GRM1: variants seen among roughly 807,000 people sequenced by gnomAD.
GRM1 encodes glutamate metabotropic receptor 1.
In GRM1, 33 loss-of-function variants were observed where a neutral mutation model predicts 90.9. That is an observed-to-expected ratio of 0.36 (90% confidence interval 0.28 to 0.49). The LOEUF is 0.49. GRM1 is among the 20% of genes least tolerant of loss of function. The pLI is 0.99. For missense variants in GRM1, 1,190 were observed against 1,534.3 expected (o/e 0.78, Z 3.75); for synonymous variants, 700 against 613.2 (o/e 1.14, Z -2.09).
intron 1 of GRM1, among the ~76,000 whole-genome samples, chr6:146,081,435 C>T (rs1329717871): frequency 2.0e-5 from 3 of 152,056 alleles, no homozygotes; most frequent in Non-Finnish European, 4.4e-5. Context: ...AGCTAGGGGC[C>T]CACCTCTTCA....
intron 5 of GRM1, 106 bp downstream of exon 5, chr6:146,357,800 G>C (rs1460630202): frequency 1.1e-6 from 1 of 904,766 alleles, no homozygotes; most frequent in African/African-American, 1.7e-5. Context: ...GTCTAGAAAG[G>C]GTGTGCCAGG....
At chr6:146,088,622 G>C (rs1164947927) in intron 1 of GRM1, among the ~76,000 whole-genome samples, 1 of 152,080 alleles carries the variant, frequency 6.6e-6, no homozygotes, top group South Asian at 2.1e-4. Flanking sequence ...GTCTTACCAG[G>C]ATGCCAGTAG....
At chr6:146,272,191 A>G (rs6920678) in intron 2 of GRM1, among the ~76,000 whole-genome samples, 17,517 of 152,230 alleles carry the variant, frequency 0.12, 2,004 homozygotes, top group African/African-American at 0.3. Context: ...CATTTTGCCA[A>G]AAATATATCA....
chr6:146,234,019 T>C (rs549415084), intron 2 of GRM1, among the ~76,000 whole-genome samples: 12 of 152,206 alleles, frequency 7.9e-5, no homozygotes, highest in African/African-American at 2.9e-4. Context: ...TATATCTTCC[T>C]TATGGATTAA....
intron 5 of GRM1, among the ~76,000 whole-genome samples, chr6:146,368,385 C>G (rs1775777839): frequency 6.6e-6 from 1 of 151,810 alleles, no homozygotes; most frequent in Admixed American, 6.6e-5. Context: ...CCTAATTTCT[C>G]TGGCTAGAAC....
At chr6:146,206,540 T>A (rs1398393971) in intron 2 of GRM1, among the ~76,000 whole-genome samples, 1 of 152,138 alleles carries the variant, frequency 6.6e-6, no homozygotes, top group East Asian at 1.9e-4. Context: ...GTATTCTCTG[T>A]CTCTCTGTCT....
chr6:146,040,534 G>C (rs907227917), intron 1 of GRM1, among the ~76,000 whole-genome samples: 2 of 151,862 alleles, frequency 1.3e-5, no homozygotes, highest in South Asian at 2.1e-4. Flanking sequence ...AGCTTTGCTG[G>C]GTACAGTATT....
At position 146,075,899 on chromosome 6, in the gene GRM1, G is replaced by A. The variant is rs138090603; in HGVS notation, c.700+45682G>A. On this transcript the variant is annotated intron_variant, in intron 1 of 7. Transcript: ENST00000282753. ...TTTTATAAGGACAGCAGTCATATTG[G>A]TCTACTCTAGTGACCATAATCTTAA... 1.5e-4 allele frequency among the ~76,000 whole-genome samples: 23 copies of A among 152,256 alleles called. No individual in the cohort carries two copies. The East Asian group carries it at 4.4e-3, about 29-fold the overall frequency.
rs188644192 is a variant in GRM1 at position 146,405,714 on chromosome 6, G to A, written c.2660+6015G>A. Among the ~76,000 whole-genome samples, 403 of 140,506 alleles carry A rather than the reference G, an allele frequency of 2.9e-3. 1 individual carries two copies. Among genetic ancestry groups the A allele is most frequent in the African/African-American group, 0.011 (367 of 33,138 alleles). 92.2% of individuals were successfully genotyped at this position (140,506 alleles called of 152,430 possible). On this transcript the variant is annotated intron_variant, in intron 7 of 7. Coordinates refer to ENST00000282753, the MANE Select transcript of GRM1 (RefSeq NM_001278064.2). ...GTTGTGTTTTTTTGTTTGTTTGTTT[G>A]TTTGTTTTTTACATGGGCACTAATC... is the stretch of plus-strand genomic sequence containing the variant.
chr6:146,394,722 A>G (rs1776864969), intron 6 of GRM1, among the ~76,000 whole-genome samples: 1 of 152,146 alleles, frequency 6.6e-6, no homozygotes. Flanking sequence ...ATGTAATTGT[A>G]TTTTAGCCAT....
intron 2 of GRM1, among the ~76,000 whole-genome samples, chr6:146,173,700 C>G (rs1472173489): frequency 6.7e-6 from 1 of 150,144 alleles, no homozygotes; most frequent in Admixed American, 6.6e-5. Flanking sequence ...AGAGTCTCGC[C>G]CTGTTGCCCA....
intron 2 of GRM1, among the ~76,000 whole-genome samples, chr6:146,179,561 G>T (rs9497471): frequency 0.26 from 38,980 of 152,072 alleles, 8,897 homozygotes; most frequent in African/African-American, 0.62. Context: ...TCGCCCAGGC[G>T]GGAGTGCAGT....
intron 1 of GRM1, among the ~76,000 whole-genome samples, chr6:146,105,346 C>A (rs546165704): frequency 6.6e-6 from 1 of 151,978 alleles, no homozygotes; most frequent in Admixed American, 6.5e-5. Flanking sequence ...AAACTTAGTA[C>A]TCCCAAGGCA....
At chr6:146,304,552 G>A in intron 2 of GRM1, 59 bp from the exon 3 acceptor site, 1 of 1,138,836 alleles carries the variant, frequency 8.8e-7, no homozygotes, top group Non-Finnish European at 1.3e-6. Context: ...ATAACTCTGA[G>A]CTCTATTTGT....
chr6:146,314,926 C>T (rs932902227), intron 3 of GRM1, among the ~76,000 whole-genome samples: 5 of 152,092 alleles, frequency 3.3e-5, no homozygotes, highest in Admixed American at 2.6e-4. Context: ...GATTAATTCT[C>T]CAGTGACTGC....
At chr6:146,415,935 A>G (rs79866878) in intron 7 of GRM1, among the ~76,000 whole-genome samples, 2,210 of 152,338 alleles carry the variant, frequency 0.015, 55 homozygotes, top group African/African-American at 0.049. Flanking sequence ...AATTTCTAAT[A>G]TAAGCTCTCC....
At chr6:146,112,185 T>A (rs917346259) in intron 1 of GRM1, among the ~76,000 whole-genome samples, 4 of 152,094 alleles carry the variant, frequency 2.6e-5, no homozygotes, top group African/African-American at 9.7e-5. Flanking sequence ...TAATAACAAC[T>A]TGCACACAGT....
At chr6:146,334,599 C>T (rs1308826816) in intron 3 of GRM1, among the ~76,000 whole-genome samples, 1 of 152,126 alleles carries the variant, frequency 6.6e-6, no homozygotes, top group Non-Finnish European at 1.5e-5. Context: ...GAATTTGTTA[C>T]TGAAAGTTGC....
At chr6:146,305,174 G>A (rs889521951) in intron 3 of GRM1, among the ~76,000 whole-genome samples, 1 of 151,848 alleles carries the variant, frequency 6.6e-6, no homozygotes, top group Non-Finnish European at 1.5e-5. Context: ...CTTAGCCATA[G>A]ACATAAGTCA....
Sources: allele counts gnomAD v4.1 joint callset (sites outside exome capture counted in the v4.1 genomes callset), GRCh38; gene constraint gnomAD v4.1.1; transcripts MANE v1.5; gene names NCBI Gene and HGNC (gene_info 2026-07-23, HGNC 2026-07-21).